Variants in TNFSF4 observed in about 807,000 individuals in gnomAD.
TNFSF4 encodes TNF superfamily member 4, also known as tumor necrosis factor ligand superfamily member 4.
In TNFSF4, 4 loss-of-function variants were observed where a neutral mutation model predicts 7.3. That is an observed-to-expected ratio of 0.55 (90% CI 0.27 to 1.25). The LOEUF is 1.25. Among genes scored for constraint, TNFSF4 ranks in the 50% most tolerant of loss-of-function variants. The pLI is 0.12. For missense variants in TNFSF4, 181 were observed against 208.8 expected (o/e 0.87, Z 0.82); for synonymous variants, 76 against 83.7 (o/e 0.91, Z 0.50).
chr1:173,342,835 G>C, the TNFSF4 span, among the ~76,000 whole-genome samples: 1 of 152,208 alleles, frequency 6.6e-6, no homozygotes, highest in Non-Finnish European at 1.5e-5. Context: ...CCCTTTCTGA[G>C]AAATCTAGAA....
the TNFSF4 span, among the ~76,000 whole-genome samples, chr1:173,288,385 G>A: frequency 6.6e-6 from 1 of 152,120 alleles, no homozygotes; most frequent in Non-Finnish European, 1.5e-5. Context: ...GCAGTGAGCT[G>A]AGGTGGTGCC....
the TNFSF4 span, among the ~76,000 whole-genome samples, chr1:173,416,727 G>C: frequency 6.6e-6 from 1 of 151,450 alleles, no homozygotes; most frequent in Non-Finnish European, 1.5e-5. Flanking sequence ...CTCCTGAATT[G>C]CTGGGACCAC....
chr1:173,343,938 T>C, the TNFSF4 span, among the ~76,000 whole-genome samples: 2 of 152,210 alleles, frequency 1.3e-5, no homozygotes, highest in African/African-American at 4.8e-5. Flanking sequence ...TTAGAGACAT[T>C]ATTGAAGTAA....
At chr1:173,369,137 C>T in the TNFSF4 span, among the ~76,000 whole-genome samples, 2 of 152,154 alleles carry the variant, frequency 1.3e-5, no homozygotes, top group Non-Finnish European at 2.9e-5. Context: ...GGATATCATT[C>T]CCATTCATAT....
the TNFSF4 span, among the ~76,000 whole-genome samples, chr1:173,410,885 G>A: frequency 3.9e-5 from 6 of 152,200 alleles, no homozygotes; most frequent in African/African-American, 7.2e-5. Context: ...ATGACAGGAC[G>A]GAACCCAGTG....
At chr1:173,305,034 C>G in the TNFSF4 span, among the ~76,000 whole-genome samples, 2 of 151,902 alleles carry the variant, frequency 1.3e-5, no homozygotes, top group African/African-American at 4.8e-5. Context: ...AGGACATAAT[C>G]CCCTAGGAAT....
the TNFSF4 span, among the ~76,000 whole-genome samples, chr1:173,248,321 A>C: frequency 6.6e-6 from 1 of 151,618 alleles, no homozygotes; most frequent in South Asian, 2.1e-4. Flanking sequence ...GCACCACTGC[A>C]CTCCAGCCTA....
At chr1:173,225,324 A>G in the TNFSF4 span, among the ~76,000 whole-genome samples, 2 of 152,306 alleles carry the variant, frequency 1.3e-5, no homozygotes, top group Admixed American at 6.5e-5. Flanking sequence ...CTCAATTTTC[A>G]TAGGTTATGG....
the TNFSF4 span, among the ~76,000 whole-genome samples, chr1:173,392,955 C>G: frequency 6.6e-6 from 1 of 152,088 alleles, no homozygotes. Flanking sequence ...ATTCTGTCTC[C>G]AGACCATTTT....
At chr1:173,280,243 C>A in the TNFSF4 span, among the ~76,000 whole-genome samples, 1 of 152,130 alleles carries the variant, frequency 6.6e-6, no homozygotes, top group Non-Finnish European at 1.5e-5. Flanking sequence ...TTCCCTCCAG[C>A]CCCTCAAGAG....
At chr1:173,310,023 C>G in the TNFSF4 span, among the ~76,000 whole-genome samples, 1 of 151,810 alleles carries the variant, frequency 6.6e-6, no homozygotes, top group Non-Finnish European at 1.5e-5. Context: ...GTACTAATGT[C>G]ACCTTTTTCC....
chr1:173,242,597 A>C, the TNFSF4 span, among the ~76,000 whole-genome samples: 1 of 152,176 alleles, frequency 6.6e-6, no homozygotes, highest in African/African-American at 2.4e-5. Context: ...AAGGAACTTT[A>C]AAGATTAGGG....
chr1:173,186,419 G>T lies in TNFSF4; in HGVS notation c.*97C>A. The T allele has an allele frequency of 9.9e-7, 1 of 1,006,858 alleles. No homozygotes were observed. Among genetic ancestry groups the T allele is most frequent in the Non-Finnish European group, 1.5e-6 (1 of 686,502 alleles). 62.4% of individuals were successfully genotyped at this position (1,006,858 alleles called of 1,614,324 possible). A position where few individuals can be genotyped will look rare whatever the true frequency, so the allele number is the denominator to read the frequency against. On this transcript the variant is annotated 3_prime_UTR_variant, in exon 3 of 3. Transcript: ENST00000281834. The stretch of plus-strand genomic sequence containing the variant: ...TTGTCACATCCCACGTGGCTGAGCT[G>T]GGAGGCTCCTTCACTTGCAATGAAG...
chr1:173,289,852 A>G, the TNFSF4 span, among the ~76,000 whole-genome samples: 1 of 152,130 alleles, frequency 6.6e-6, no homozygotes, highest in Non-Finnish European at 1.5e-5. Context: ...CAAGATAGAA[A>G]AAAATAAACA....
At chr1:173,425,561 G>C in the TNFSF4 span, among the ~76,000 whole-genome samples, 1 of 152,220 alleles carries the variant, frequency 6.6e-6, no homozygotes, top group African/African-American at 2.4e-5. Context: ...CATAACTAGT[G>C]ATATGGGGAA....
the TNFSF4 span, among the ~76,000 whole-genome samples, chr1:173,314,870 C>T: frequency 1.3e-5 from 2 of 152,016 alleles, no homozygotes; most frequent in Non-Finnish European, 2.9e-5. Context: ...CCACACTCTC[C>T]CAAGTGAAGT....
chr1:173,391,498 T>C, the TNFSF4 span, among the ~76,000 whole-genome samples: 1 of 146,360 alleles, frequency 6.8e-6, no homozygotes, highest in Non-Finnish European at 1.5e-5. Flanking sequence ...CCCTATATTC[T>C]CAAGACTAGT....
the TNFSF4 span, among the ~76,000 whole-genome samples, chr1:173,395,037 T>TAGATGATAGATAGATA: frequency 3.6e-4 from 34 of 94,118 alleles, no homozygotes; most frequent in African/African-American, 5.5e-4. Flanking sequence ...GATAGATAGA[T>TAGATGATAGATAGATA]GATAGATAGA....
At chr1:173,367,645 G>C in the TNFSF4 span, among the ~76,000 whole-genome samples, 6 of 152,198 alleles carry the variant, frequency 3.9e-5, no homozygotes, top group Admixed American at 6.5e-5. Context: ...CCCACTGCCA[G>C]TGTCCCTCTA....
Sources: gnomAD v4.1 joint callset for allele counts (sites outside exome capture counted in the v4.1 genomes callset) on GRCh38, gnomAD v4.1.1 for gene constraint, MANE v1.5 for transcripts, NCBI Gene and HGNC (gene_info 2026-07-23, HGNC 2026-07-21) for gene names.